RBFOX1: variants seen among roughly 807,000 people sequenced by gnomAD.
The protein encoded by RBFOX1 is RNA binding fox-1 homolog 1, also known as RNA binding protein fox-1 homolog 1.
Under a neutral mutation model 57.7 loss-of-function variants are expected in RBFOX1, and 8 were observed. The ratio of observed to expected loss-of-function variants is 0.14; its 90% CI spans 0.08 to 0.25. RBFOX1 has a LOEUF of 0.25. Ranked by LOEUF, RBFOX1 falls within the 10% of genes least tolerant of loss-of-function variation. The probability of loss-of-function intolerance (pLI) is 1.00; values close to 1 mark genes in which losing one functional copy is unlikely to be tolerated. For synonymous variants in RBFOX1, 326 were observed against 222.4 expected (o/e 1.47, Z -4.15); for missense variants, 611 against 548.5 (o/e 1.11, Z -1.14).
intron 2 of RBFOX1, among the ~76,000 whole-genome samples, chr16:6,505,809 A>G (rs2096073189): frequency 6.6e-6 from 1 of 152,234 alleles, no homozygotes; most frequent in Admixed American, 6.5e-5. Context: ...TTCTGATAAC[A>G]CATTCATTCA....
At chr16:7,093,657 C>A (rs1469326843) in intron 4 of RBFOX1, among the ~76,000 whole-genome samples, 1 of 152,154 alleles carries the variant, frequency 6.6e-6, no homozygotes, top group Non-Finnish European at 1.5e-5. Context: ...CATCTTCCCC[C>A]TCTAGCTTAA....
intron 3 of RBFOX1, among the ~76,000 whole-genome samples, chr16:5,717,584 A>G (rs1319924581): frequency 6.6e-6 from 1 of 152,026 alleles, no homozygotes; most frequent in Admixed American, 6.6e-5. Flanking sequence ...TCCCACTTAT[A>G]AGTGCGAATA....
intron 1 of RBFOX1, among the ~76,000 whole-genome samples, chr16:6,106,877 T>C (rs1453649124): frequency 1.3e-5 from 2 of 152,044 alleles, no homozygotes; most frequent in African/African-American, 4.8e-5. Context: ...TTCACTGTGT[T>C]AGCCAGGATG....
At chr16:6,218,516 G>A (rs1458087246) in intron 1 of RBFOX1, among the ~76,000 whole-genome samples, 3 of 151,986 alleles carry the variant, frequency 2.0e-5, no homozygotes, top group Non-Finnish European at 1.5e-5. Flanking sequence ...TACCCTGTTT[G>A]CCAGGCTGAT....
intron 4 of RBFOX1, among the ~76,000 whole-genome samples, chr16:7,321,714 T>G (rs1004208302): frequency 2.0e-5 from 3 of 152,222 alleles, no homozygotes; most frequent in Non-Finnish European, 4.4e-5. Flanking sequence ...ATAGTTTATT[T>G]TAAAATATTT....
intron 2 of RBFOX1, among the ~76,000 whole-genome samples, chr16:6,565,129 A>C (rs1238485122): frequency 7.2e-6 from 1 of 138,772 alleles, no homozygotes; most frequent in Admixed American, 6.9e-5. Context: ...CTGTCTCCAA[A>C]AAAAAAAAAA....
At chr16:5,522,282 G>A (rs968597267) in intron 2 of RBFOX1, among the ~76,000 whole-genome samples, 3 of 152,204 alleles carry the variant, frequency 2.0e-5, no homozygotes, top group East Asian at 3.9e-4. Context: ...TTGTTCATCT[G>A]TAAAATGGGT....
intron 5 of RBFOX1, among the ~76,000 whole-genome samples, chr16:7,578,880 G>C (rs993634245): frequency 2.0e-5 from 3 of 152,048 alleles, no homozygotes; most frequent in African/African-American, 7.2e-5. Context: ...TTTTCCCCTC[G>C]TTCCTGCCAA....
chr16:5,427,061 G>A (rs1048271426), intron 1 of RBFOX1, among the ~76,000 whole-genome samples: 1 of 152,088 alleles, frequency 6.6e-6, no homozygotes, highest in East Asian at 1.9e-4. Context: ...TTACCTCATG[G>A]TGTCTTATAC....
chr16:5,766,777 G>A (rs1035871638), intron 3 of RBFOX1, among the ~76,000 whole-genome samples: 3 of 152,116 alleles, frequency 2.0e-5, no homozygotes, highest in African/African-American at 7.2e-5. Flanking sequence ...TGTATCAGAA[G>A]CTAAGGCTAC....
chr16:6,877,348 C>A (rs1402720622), intron 3 of RBFOX1, among the ~76,000 whole-genome samples: 2 of 152,124 alleles, frequency 1.3e-5, no homozygotes, highest in Non-Finnish European at 2.9e-5. Flanking sequence ...TTCCCTTTAG[C>A]AGAACACAAA....
intron 4 of RBFOX1, among the ~76,000 whole-genome samples, chr16:5,885,048 T>C (rs2057863728): frequency 6.6e-6 from 1 of 152,190 alleles, no homozygotes; most frequent in African/African-American, 2.4e-5. Context: ...ATGCATGGTC[T>C]CTGAGGCCAG....
chr16:6,289,484 G>A (rs2077238607), intron 1 of RBFOX1, among the ~76,000 whole-genome samples: 1 of 152,086 alleles, frequency 6.6e-6, no homozygotes, highest in Non-Finnish European at 1.5e-5. Context: ...AGAAATAAAA[G>A]GAAGAAAATC....
At chr16:6,875,121 C>T (rs546015572) in intron 3 of RBFOX1, among the ~76,000 whole-genome samples, 1 of 152,126 alleles carries the variant, frequency 6.6e-6, no homozygotes, top group African/African-American at 2.4e-5. Flanking sequence ...CTGTGTTACC[C>T]TAAGTTGCTT....
intron 1 of RBFOX1, among the ~76,000 whole-genome samples, chr16:5,417,955 C>T (rs2067204582): frequency 6.6e-6 from 1 of 152,118 alleles, no homozygotes; most frequent in African/African-American, 2.4e-5. Flanking sequence ...GTGGTGTACG[C>T]CTGTAATCCC....
intron 3 of RBFOX1, among the ~76,000 whole-genome samples, chr16:6,974,430 C>T (rs1455343001): frequency 1.4e-5 from 2 of 141,544 alleles, no homozygotes. Context: ...CTGCAACTTT[C>T]GCCTCCCAGG....
intron 5 of RBFOX1, among the ~76,000 whole-genome samples, chr16:7,534,832 G>A (rs965756899): frequency 2.0e-5 from 3 of 152,112 alleles, no homozygotes; most frequent in African/African-American, 7.2e-5. Context: ...CTGCTCAAAC[G>A]TCTTGACTTG....
intron 4 of RBFOX1, among the ~76,000 whole-genome samples, chr16:7,362,271 G>A (rs1226457905): frequency 1.4e-5 from 2 of 147,974 alleles, no homozygotes; most frequent in Non-Finnish European, 3.0e-5. Flanking sequence ...TGTGTGTTTT[G>A]TGTGTATGTT....
intron 3 of RBFOX1, among the ~76,000 whole-genome samples, chr16:7,006,600 C>A (rs1025315702): frequency 6.6e-6 from 1 of 152,052 alleles, no homozygotes; most frequent in Non-Finnish European, 1.5e-5. Flanking sequence ...GAGTTGGGAA[C>A]CACCACACCT....
Sources: gnomAD v4.1 joint callset for allele counts (sites outside exome capture counted in the v4.1 genomes callset) on GRCh38, gnomAD v4.1.1 for gene constraint, MANE v1.5 for transcripts, NCBI Gene and HGNC (gene_info 2026-07-23, HGNC 2026-07-21) for gene names.